The following ZNF563 variants were observed in gnomAD, a reference collection of about 807,000 sequenced individuals.
ZNF563 encodes the protein zinc finger protein 563.
ZNF563 carries 39 observed loss-of-function variants against 48.5 expected under a neutral mutation model. The observed-to-expected ratio is 0.80, with a 90% CI of 0.62 to 1.05. The LOEUF (loss-of-function observed/expected upper bound fraction) is 1.05. ZNF563 is among the 50% of genes least tolerant of loss of function. The pLI is 0.00. For synonymous variants in ZNF563, 168 were observed against 187.9 expected (o/e 0.89, Z 0.87); for missense variants, 538 against 597.0 (o/e 0.90, Z 1.03).
Position 12,333,600 on chromosome 19 carries a change from A to G in ZNF563, c.-118T>C. The G allele has an allele frequency of 6.9e-7, 1 of 1,449,642 alleles. No individual in the cohort carries two copies. Among genetic ancestry groups the G allele is most frequent in the Non-Finnish European group, 9.4e-7 (1 of 1,061,508 alleles). The allele number at this position is 1,449,642 out of a possible 1,614,324, so 89.8% of individuals were successfully genotyped here. A position where few individuals can be genotyped will look rare whatever the true frequency, so the allele number is the denominator to read the frequency against. On this transcript the variant is annotated 5_prime_UTR_variant, in exon 1 of 4. Coordinates refer to ENST00000293725, the MANE Select transcript of ZNF563 (RefSeq NM_145276.3). ...GGCGTCTCTCAGCGACTGAGGCTACACAGACGTTCCAGGGCGTCTCTCAGC... is the reference window on the plus strand; with the variant it reads ...GGCGTCTCTCAGCGACTGAGGCTACGCAGACGTTCCAGGGCGTCTCTCAGC...
chr19:12,326,418 C>T (rs1005162102), intron 1 of ZNF563, among the ~76,000 whole-genome samples: 2 of 151,934 alleles, frequency 1.3e-5, no homozygotes, highest in Non-Finnish European at 2.9e-5. Flanking sequence ...CCGAGGGGAG[C>T]GGATCACTTG....
chr19:12,320,396 G>A (rs1317068246), intron 3 of ZNF563, among the ~76,000 whole-genome samples: 1 of 151,674 alleles, frequency 6.6e-6, no homozygotes, highest in African/African-American at 2.4e-5. Flanking sequence ...AGGCTGGAGT[G>A]CAGTAGCAGA....
intron 1 of ZNF563, among the ~76,000 whole-genome samples, chr19:12,327,863 C>T (rs1254893791): frequency 6.6e-6 from 1 of 152,050 alleles, no homozygotes; most frequent in Non-Finnish European, 1.5e-5. Context: ...ACATAATAAT[C>T]CTTAATATTT....
chr19:12,318,450 T>C lies in ZNF563; in HGVS notation c.*144A>G. 1.1e-6 allele frequency: 1 copy of C among 910,636 alleles called. No individual in the cohort carries two copies. 56.4% of individuals were successfully genotyped at this position (910,636 alleles called of 1,614,324 possible). ...CTTATATCATACAGCATCTCTCCAG[T>C]GTGAGATATTTCATGATTTTGAAAG... On this transcript the variant is annotated 3_prime_UTR_variant, in exon 4 of 4. Transcript: ENST00000293725.
At position 12,321,290 on chromosome 19, in the gene ZNF563, T is replaced by G; in HGVS notation, c.173A>C (p.Asn58Thr). The G allele has an allele frequency of 1.9e-6, 3 of 1,578,490 alleles. No individual in the cohort carries two copies. Among genetic ancestry groups the G allele is most frequent in the Non-Finnish European group, 2.6e-6 (3 of 1,164,878 alleles). The change falls in exon 3 of 4, where the codon AAT becomes ACT. Residue 58 changes from asparagine to threonine, a missense_variant. Transcript: ENST00000293725. ...EEQNTEDQYK[N>T]PRRNLRCHMV... ...AAATTACCTTAGATTTCTCCTAGGA[T>G]TTTTGTACTGATCTTCAGTATTCTG...
At chr19:12,343,332 A>G in the ZNF563 span, among the ~76,000 whole-genome samples, 1 of 152,210 alleles carries the variant, frequency 6.6e-6, no homozygotes, top group Non-Finnish European at 1.5e-5. Flanking sequence ...GTGGTGGTAC[A>G]TTCCTATAGT....
In ZNF563 at chr19:12,319,043, T is replaced by C. The variant is rs757525963; in HGVS notation, c.982A>G (p.Met328Val). 11 of 1,614,104 alleles carry C rather than the reference T, an allele frequency of 6.8e-6. No individual in the cohort carries two copies. The highest frequency in any genetic ancestry group is 2.7e-5 in the African/African-American group (2 of 74,938). Residue 328 changes from methionine to valine, a missense_variant, in exon 4 of 4, where the codon ATG (methionine) becomes GTG (valine). By Grantham distance (21) the Met-to-Val change is conservative (BLOSUM62 1). Coordinates refer to ENST00000293725, the MANE Select transcript of ZNF563 (RefSeq NM_145276.3). ...GGTCGATCTCCAGTGTGCCTTTTCATGTGTATCTGAAAGCTTCCAAGATGA... is the reference window on the plus strand; with the variant it reads ...GGTCGATCTCCAGTGTGCCTTTTCACGTGTATCTGAAAGCTTCCAAGATGA... Reference protein sequence around the residue: ...FHHLGSFQIHMKRHTGDRPHK... With the variant: ...FHHLGSFQIHVKRHTGDRPHK...
At chr19:12,329,774 T>C (rs915989035) in intron 1 of ZNF563, among the ~76,000 whole-genome samples, 11 of 152,158 alleles carry the variant, frequency 7.2e-5, no homozygotes, top group African/African-American at 1.7e-4. Context: ...AATCAATAAA[T>C]GATAAATATC....
intron 3 of ZNF563, among the ~76,000 whole-genome samples, chr19:12,320,317 GTT>G: frequency 6.9e-6 from 1 of 144,054 alleles, no homozygotes; most frequent in East Asian, 2.0e-4. Context: ...CACCAGCTGG[GTT>G]TTTTTTTTTT....
the ZNF563 span, among the ~76,000 whole-genome samples, chr19:12,338,892 C>T: frequency 1.3e-5 from 2 of 152,076 alleles, no homozygotes; most frequent in Admixed American, 6.6e-5. Context: ...CAACACACTA[C>T]AGTCTATTGA....
Position 12,319,224 on chromosome 19 carries a change from G to A in ZNF563, c.801C>T (p.Ser267=). 1 of 1,613,776 alleles carries A rather than the reference G, an allele frequency of 6.2e-7. No homozygotes were observed. The highest frequency in any genetic ancestry group is 1.1e-5 in the South Asian group (1 of 91,058). Residue 267 remains serine, a synonymous_variant, in exon 4 of 4, where the codon TCC becomes TCT. Coordinates refer to ENST00000293725, the MANE Select transcript of ZNF563 (RefSeq NM_145276.3). Reference sequence around the variant, plus strand: ...TGTGAGTTCTTTCATGTCTTATATAGGAACTGGAATCAGGCAAGGCTTTAG... The same window carrying A: ...TGTGAGTTCTTTCATGTCTTATATAAGAACTGGAATCAGGCAAGGCTTTAG... ...QCSKALPDSS[S]YIRHERTHTG...
At chr19:12,341,690 A>T in the ZNF563 span, among the ~76,000 whole-genome samples, 1 of 152,222 alleles carries the variant, frequency 6.6e-6, no homozygotes, top group Non-Finnish European at 1.5e-5. Context: ...CTTGCACTAA[A>T]CAACAGAGGC....
chr19:12,346,866 A>G, the ZNF563 span: 8 of 152,256 alleles, frequency 5.3e-5, no homozygotes, highest in African/African-American at 1.7e-4. Context: ...ATACTTCCAC[A>G]TATCTCTCTC....
upstream of ZNF563, among the ~76,000 whole-genome samples, chr19:12,338,501 G>A (rs887173080): frequency 3.9e-5 from 6 of 152,088 alleles, no homozygotes; most frequent in South Asian, 4.2e-4. Context: ...CACCTGCCTC[G>A]GAAAGAGCTG....
rs960003458 is a variant in ZNF563, at chr19:12,318,389, T to C, written c.*205A>G. 67 of 600,340 alleles carry C rather than the reference T, an allele frequency of 1.1e-4. No individual in the cohort carries two copies. Among genetic ancestry groups the C allele is most frequent in the Non-Finnish European group, 1.7e-4 (59 of 352,368 alleles). The allele number at this position is 600,340 out of a possible 1,614,324, so 37.2% of individuals were successfully genotyped here. ...TCTGTGAGTTGTTTTATGTTGACAA[T>C]GGTGTTAAAAAAAAATCGATCACTT... On this transcript the variant is annotated 3_prime_UTR_variant, in exon 4 of 4. Transcript: ENST00000293725.
At position 12,317,811 on chromosome 19, in the gene ZNF563, A is replaced by G. The variant is rs1968473970; in HGVS notation, c.*783T>C. On this transcript the variant is annotated 3_prime_UTR_variant, in exon 4 of 4. Transcript: ENST00000293725. ...AAGGCTTTACTATGTGTTTACATTC[A>G]TAGGGTTTATCTCCAATGAGAATTA... 1 of 154,546 alleles carries G rather than the reference A, an allele frequency of 6.5e-6. No individual in the cohort carries two copies. The highest frequency in any genetic ancestry group is 2.1e-4 in the South Asian group (1 of 4,846). 9.6% of individuals were successfully genotyped at this position (154,546 alleles called of 1,614,324 possible). A position where few individuals can be genotyped will look rare whatever the true frequency, so the allele number is the denominator to read the frequency against.
At chr19:12,343,708 A>T in the ZNF563 span, among the ~76,000 whole-genome samples, 4 of 151,716 alleles carry the variant, frequency 2.6e-5, no homozygotes, top group Non-Finnish European at 5.9e-5. Flanking sequence ...TCTTTTATGA[A>T]TATTGAAGCA....
chr19:12,325,737 G>A (rs1968776597), intron 1 of ZNF563, among the ~76,000 whole-genome samples: 1 of 152,154 alleles, frequency 6.6e-6, no homozygotes, highest in Admixed American at 6.6e-5. Context: ...AGTGTTCAAG[G>A]AATTGCTCCA....
At chr19:12,327,895 A>G (rs1968832090) in intron 1 of ZNF563, among the ~76,000 whole-genome samples, 1 of 152,234 alleles carries the variant, frequency 6.6e-6, no homozygotes, top group Non-Finnish European at 1.5e-5. Context: ...ATAGAGGATC[A>G]AAATACATAA....
Sources: gnomAD v4.1 joint callset for allele counts (sites outside exome capture counted in the v4.1 genomes callset) on GRCh38, gnomAD v4.1.1 for gene constraint, MANE v1.5 for transcripts, NCBI Gene and HGNC (gene_info 2026-07-23, HGNC 2026-07-21) for gene names.